Variants in DNM3 observed in about 807,000 individuals in gnomAD.
DNM3 encodes dynamin-3.
DNM3 carries 47 observed loss-of-function variants against 101.6 expected under a neutral mutation model. The ratio of observed to expected loss-of-function variants is 0.46; its 90% CI spans 0.37 to 0.59. The LOEUF (loss-of-function observed/expected upper bound fraction) is 0.59, where lower values mean the gene tolerates loss of function less well. Ranked by LOEUF, DNM3 falls within the 20% of genes least tolerant of loss-of-function variation. DNM3 has a pLI of 0.00. For missense variants in DNM3, 849 were observed against 1,085.7 expected (o/e 0.78, Z 3.06); for synonymous variants, 385 against 387.9 (o/e 0.99, Z 0.09).
intron 17 of DNM3, among the ~76,000 whole-genome samples, chr1:172,355,154 A>G (rs899798037): frequency 9.2e-5 from 14 of 152,108 alleles, no homozygotes; most frequent in Non-Finnish European, 2.9e-5. Flanking sequence ...CTGTAGAAAC[A>G]TAAATACTCT....
Position 172,412,561 on chromosome 1 carries a change from A to C in DNM3, c.*4720A>C. The C allele has an allele frequency of 1.0e-6, 1 of 985,754 alleles. No individual in the cohort carries two copies. The highest frequency in any genetic ancestry group is 1.1e-4 in the East Asian group (1 of 8,814). The allele number at this position is 985,754 out of a possible 1,614,324, so 61.1% of individuals were successfully genotyped here. The stretch of plus-strand genomic sequence containing the variant: ...GGATACTTTCCACTGTCTTCTTGGC[A>C]CTTTCAGGATTTCTTAATGCTGATA... On this transcript the variant is annotated 3_prime_UTR_variant, in exon 21 of 21. Coordinates refer to ENST00000627582, the MANE Select transcript of DNM3 (RefSeq NM_015569.5).
chr1:172,412,144 T>C lies in DNM3; in HGVS notation c.*4303T>C, dbSNP rs17278379. On this transcript the variant is annotated 3_prime_UTR_variant, in exon 21 of 21. Transcript: ENST00000627582. The stretch of plus-strand genomic sequence containing the variant: ...GAGTGTTTGTCTTAAGACCTGTTCA[T>C]ACTGGTATATTGGTGAGACTTCTCA... 0.12 allele frequency: 116,795 copies of C among 985,700 alleles called. 7,219 individuals carry two copies. The highest frequency in any genetic ancestry group is 0.12 in the Non-Finnish European group (102,821 of 829,860). 61.1% of individuals were successfully genotyped at this position (985,700 alleles called of 1,614,324 possible).
chr1:172,023,782 C>T (rs2048003881), intron 4 of DNM3, among the ~76,000 whole-genome samples: 1 of 150,486 alleles, frequency 6.6e-6, no homozygotes. Context: ...GATTTTCTCT[C>T]TTTGGAATGT....
intron 17 of DNM3, among the ~76,000 whole-genome samples, chr1:172,362,942 A>G (rs1379290317): frequency 6.6e-6 from 1 of 151,810 alleles, no homozygotes; most frequent in African/African-American, 2.4e-5. Context: ...GTAGCCTGGG[A>G]TGATGCATGA....
chr1:172,295,515 T>C (rs1388550255), intron 15 of DNM3, among the ~76,000 whole-genome samples: 2 of 152,166 alleles, frequency 1.3e-5, no homozygotes, highest in Non-Finnish European at 2.9e-5. Context: ...TCAGAGATTA[T>C]TTTTGTATTC....
At chr1:172,199,047 T>C (rs2060057416) in intron 14 of DNM3, among the ~76,000 whole-genome samples, 1 of 152,110 alleles carries the variant, frequency 6.6e-6, no homozygotes, top group Non-Finnish European at 1.5e-5. Flanking sequence ...AGGCATTAAG[T>C]GCTATGAATT....
chr1:171,928,713 G>A (rs559204361), intron 2 of DNM3, among the ~76,000 whole-genome samples: 48 of 152,248 alleles, frequency 3.2e-4, no homozygotes, highest in Non-Finnish European at 5.7e-4. Flanking sequence ...AGTTGCTCCC[G>A]GAGGCTTTGT....
chr1:172,413,388 G>A (rs955369839), downstream of DNM3, among the ~76,000 whole-genome samples: 3 of 152,092 alleles, frequency 2.0e-5, no homozygotes, highest in South Asian at 4.1e-4. Flanking sequence ...CACCACGCCC[G>A]GCTAATTTTT....
intron 14 of DNM3, among the ~76,000 whole-genome samples, chr1:172,232,169 G>A (rs1047161533): frequency 1.3e-5 from 2 of 152,072 alleles, no homozygotes; most frequent in Non-Finnish European, 2.9e-5. Context: ...ACACACATAG[G>A]CTCAAAATAA....
intron 15 of DNM3, among the ~76,000 whole-genome samples, chr1:172,308,157 T>C (rs1467482945): frequency 6.6e-6 from 1 of 152,212 alleles, no homozygotes; most frequent in Non-Finnish European, 1.5e-5. Flanking sequence ...TTTTATGTAA[T>C]ATCAGGAAAA....
At chr1:172,007,628 T>A (rs1558410711) in intron 4 of DNM3, among the ~76,000 whole-genome samples, 2 of 152,262 alleles carry the variant, frequency 1.3e-5, no homozygotes, top group South Asian at 4.1e-4. Context: ...TTACTTTTGA[T>A]TATGCCCAAT....
intron 15 of DNM3, among the ~76,000 whole-genome samples, chr1:172,297,107 C>T (rs2064202275): frequency 6.8e-6 from 1 of 146,704 alleles, no homozygotes; most frequent in Non-Finnish European, 1.5e-5. Context: ...CATGCCACTG[C>T]ACTCCAGCCG....
At chr1:171,913,161 T>C (rs1571576226) in intron 1 of DNM3, among the ~76,000 whole-genome samples, 1 of 152,362 alleles carries the variant, frequency 6.6e-6, no homozygotes. Flanking sequence ...ATTCTAAATG[T>C]TTCAGTGGGA....
chr1:171,900,220 A>T (rs2038183450), intron 1 of DNM3, among the ~76,000 whole-genome samples: 1 of 152,202 alleles, frequency 6.6e-6, no homozygotes, highest in Admixed American at 6.5e-5. Context: ...ACAATAGCGT[A>T]TTCAAATTAG....
intron 14 of DNM3, among the ~76,000 whole-genome samples, chr1:172,213,821 C>T (rs2060598833): frequency 6.7e-6 from 1 of 149,702 alleles, no homozygotes; most frequent in Non-Finnish European, 1.5e-5. Context: ...GAGCAAGACT[C>T]TGTCTCAAAA....
intron 4 of DNM3, among the ~76,000 whole-genome samples, chr1:172,021,459 AAAAAC>A (rs989890418): frequency 2.0e-5 from 3 of 152,194 alleles, no homozygotes; most frequent in Non-Finnish European, 4.4e-5. Context: ...CTGTCTCTAA[AAAAAC>A]AAAACAAAAC....
At chr1:172,315,921 C>T (rs1193841168) in intron 16 of DNM3, among the ~76,000 whole-genome samples, 3 of 152,102 alleles carry the variant, frequency 2.0e-5, no homozygotes, top group Non-Finnish European at 4.4e-5. Context: ...AGAGCAACTC[C>T]GAGACACATA....
chr1:172,114,645 T>C (rs543153695), intron 13 of DNM3, among the ~76,000 whole-genome samples: 19 of 152,308 alleles, frequency 1.2e-4, no homozygotes, highest in Admixed American at 1.1e-3. Flanking sequence ...TCTGGAGTAA[T>C]GGTTACAAGT....
At chr1:172,371,841 T>C (rs2068340132) in intron 17 of DNM3, among the ~76,000 whole-genome samples, 1 of 150,156 alleles carries the variant, frequency 6.7e-6, no homozygotes, top group African/African-American at 2.4e-5. Context: ...TTTTTATTTT[T>C]ATTTTTATTT....
Sources: allele counts gnomAD v4.1 joint callset (sites outside exome capture counted in the v4.1 genomes callset), GRCh38; gene constraint gnomAD v4.1.1; transcripts MANE v1.5; gene names NCBI Gene and HGNC (gene_info 2026-07-23, HGNC 2026-07-21).